Variants in CAMK2D observed in about 807,000 individuals in gnomAD.
CAMK2D encodes calcium/calmodulin-dependent protein kinase type II subunit delta.
CAMK2D carries 37 observed loss-of-function variants against 84.0 expected under a neutral mutation model. The ratio of observed to expected loss-of-function variants is 0.44; its 90% CI spans 0.34 to 0.58. The LOEUF (loss-of-function observed/expected upper bound fraction) is 0.58, where lower values mean the gene tolerates loss of function less well. Among genes scored for constraint, CAMK2D ranks in the 20% least tolerant of loss-of-function variants. The probability of loss-of-function intolerance (pLI) is 0.02; values close to 1 mark genes in which losing one functional copy is unlikely to be tolerated. For synonymous variants in CAMK2D, 202 were observed against 212.5 expected (o/e 0.95, Z 0.43); for missense variants, 448 against 652.5 (o/e 0.69, Z 3.41).
intron 8 of CAMK2D, among the ~76,000 whole-genome samples, chr4:113,526,414 A>ATGTGTGTGTGTG (rs35503858): frequency 6.7e-6 from 1 of 149,568 alleles, no homozygotes; most frequent in Admixed American, 6.7e-5. Flanking sequence ...GTCATTCTTG[A>ATGTGTGTGTGTG]TGTGTGTGTG....
intron 3 of CAMK2D, among the ~76,000 whole-genome samples, chr4:113,660,970 G>C (rs2099228594): frequency 6.6e-6 from 1 of 150,796 alleles, no homozygotes. Flanking sequence ...TAATTTTTTT[G>C]TATTTTTAGT....
At chr4:113,756,679 G>T (rs1222869133) in intron 2 of CAMK2D, among the ~76,000 whole-genome samples, 1 of 151,984 alleles carries the variant, frequency 6.6e-6, no homozygotes, top group Non-Finnish European at 1.5e-5. Context: ...TTTGCTTGTT[G>T]TTAGGAGTAA....
chr4:113,738,811 CA>C (rs2099586803), intron 2 of CAMK2D, among the ~76,000 whole-genome samples: 1 of 151,916 alleles, frequency 6.6e-6, no homozygotes, highest in South Asian at 2.1e-4. Context: ...GCTATTAATC[CA>C]GCCTAGTTTT....
intron 2 of CAMK2D, among the ~76,000 whole-genome samples, chr4:113,740,378 A>G (rs1421875030): frequency 1.2e-5 from 1 of 82,368 alleles, no homozygotes; most frequent in Non-Finnish European, 2.2e-5. Flanking sequence ...AAATGAAAGA[A>G]GCCAATCAGA....
At chr4:113,715,144 CT>C in intron 2 of CAMK2D, among the ~76,000 whole-genome samples, 1 of 152,014 alleles carries the variant, frequency 6.6e-6, no homozygotes, top group African/African-American at 2.4e-5. Flanking sequence ...TAAAATTACC[CT>C]TCGTAACTGT....
At chr4:113,586,049 T>G (rs1485389422) in intron 4 of CAMK2D, among the ~76,000 whole-genome samples, 1 of 152,188 alleles carries the variant, frequency 6.6e-6, no homozygotes. Flanking sequence ...TTAATTTGTT[T>G]TTTGTTTCAC....
In CAMK2D at chr4:113,753,714, C is replaced by T. The variant is rs187918593; in HGVS notation, c.160+5606G>A. ...CAAATTTACCATATGAATAACATAA[C>T]ATTTTGTTATAATCAGATATTTAAA... On this transcript the variant is annotated intron_variant, in intron 2 of 20. Transcript: ENST00000511664. 2.0e-5 allele frequency: 15 copies of T among 737,004 alleles called. No individual in the cohort carries two copies. The East Asian group carries it at 2.2e-3, about 107-fold the overall frequency. The allele number at this position is 737,004 out of a possible 1,614,324, so 45.7% of individuals were successfully genotyped here. A position where few individuals can be genotyped will look rare whatever the true frequency, so the allele number is the denominator to read the frequency against.
At position 113,647,922 on chromosome 4, in the gene CAMK2D, C is replaced by G. The variant is rs1031152857; in HGVS notation, c.220+13791G>C. On this transcript the variant is annotated intron_variant, in intron 3 of 20. Transcript: ENST00000511664. ...TTGAAAACCATGTTTTATCAGAGTT[C>G]TCTTAGAGAGTTCCTAACAAATAAG... Among the ~76,000 whole-genome samples, 11 of 152,292 alleles carry G rather than the reference C, an allele frequency of 7.2e-5. No homozygotes were observed. In the Middle Eastern group the frequency reaches 0.014, roughly 188 times the overall value.
chr4:113,709,833 C>T (rs1409642642), intron 2 of CAMK2D, among the ~76,000 whole-genome samples: 7 of 132,972 alleles, frequency 5.3e-5, no homozygotes, highest in Admixed American at 4.9e-4. Flanking sequence ...CAGGAGTTAA[C>T]TAGGTAGAAC....
chr4:113,493,385 T>G (rs2154141410), intron 16 of CAMK2D, among the ~76,000 whole-genome samples: 1 of 151,076 alleles, frequency 6.6e-6, no homozygotes, highest in East Asian at 2.0e-4. Context: ...AGTATTTTAT[T>G]TCTCCTTCAC....
chr4:113,749,963 T>C (rs2149044121), intron 2 of CAMK2D, among the ~76,000 whole-genome samples: 1 of 152,356 alleles, frequency 6.6e-6, no homozygotes, highest in Middle Eastern at 3.4e-3. Context: ...TATTTCAAGA[T>C]ACAGAATCTT....
At chr4:113,707,481 A>C (rs186649056) in intron 2 of CAMK2D, among the ~76,000 whole-genome samples, 125 of 152,322 alleles carry the variant, frequency 8.2e-4, no homozygotes, top group African/African-American at 2.8e-3. Flanking sequence ...GGCTTAAATC[A>C]AGGCAATGAC....
chr4:113,703,045 C>G (rs2099427735), intron 2 of CAMK2D, among the ~76,000 whole-genome samples: 1 of 152,250 alleles, frequency 6.6e-6, no homozygotes, highest in Non-Finnish European at 1.5e-5. Context: ...AGCTGCTATA[C>G]TGGACGGCAC....
intron 8 of CAMK2D, among the ~76,000 whole-genome samples, chr4:113,522,651 G>A (rs1385837757): frequency 1.3e-5 from 2 of 152,086 alleles, no homozygotes; most frequent in Non-Finnish European, 2.9e-5. Context: ...TCACCAGGGC[G>A]GCAGCTGTGT....
At chr4:113,759,560 C>A in intron 1 of CAMK2D, 146 bp from the exon 2 acceptor site, 1 of 439,962 alleles carries the variant, frequency 2.3e-6, no homozygotes, top group Non-Finnish European at 4.0e-6. Context: ...TTCCTGGAAA[C>A]CCAGACTTTC....
intron 3 of CAMK2D, among the ~76,000 whole-genome samples, chr4:113,649,287 T>C (rs2099163619): frequency 6.6e-6 from 1 of 152,200 alleles, no homozygotes; most frequent in African/African-American, 2.4e-5. Context: ...ACTGATATAA[T>C]CATGAGTCGA....
At chr4:113,743,149 C>G (rs570014673) in intron 2 of CAMK2D, among the ~76,000 whole-genome samples, 2 of 152,168 alleles carry the variant, frequency 1.3e-5, no homozygotes, top group East Asian at 3.9e-4. Flanking sequence ...TAACTGCCTC[C>G]CTCACCTCAT....
intron 2 of CAMK2D, among the ~76,000 whole-genome samples, chr4:113,684,753 A>T (rs764161249): frequency 2.6e-5 from 4 of 152,236 alleles, no homozygotes; most frequent in African/African-American, 4.8e-5. Context: ...TCAGAAAAAC[A>T]GTATTACTCT....
chr4:113,499,888 T>C (rs936192162), intron 16 of CAMK2D, among the ~76,000 whole-genome samples: 4 of 152,132 alleles, frequency 2.6e-5, no homozygotes. Context: ...ACTGAGAAGA[T>C]GTCTGTAGAA....
Sources: gnomAD v4.1 joint callset for allele counts (sites outside exome capture counted in the v4.1 genomes callset) on GRCh38, gnomAD v4.1.1 for gene constraint, MANE v1.5 for transcripts, NCBI Gene and HGNC (gene_info 2026-07-23, HGNC 2026-07-21) for gene names.